RNF216: variants seen among roughly 807,000 people sequenced by gnomAD.
RNF216 encodes the protein ring finger protein 216.
Under a neutral mutation model 110.8 loss-of-function variants are expected in RNF216, and 72 were observed. The observed-to-expected ratio is 0.65, with a 90% CI of 0.54 to 0.79. RNF216 has a LOEUF of 0.79. RNF216 is among the 30% of genes least tolerant of loss of function. The pLI is 0.00. For synonymous variants in RNF216, 495 were observed against 407.5 expected, an observed-to-expected ratio of 1.21 and a Z score of -2.59; for missense variants, 1,342 against 1,141.2, an observed-to-expected ratio of 1.18 and a Z score of -2.54.
intron 13 of RNF216, among the ~76,000 whole-genome samples, chr7:5,685,707 C>T (rs1393923385): frequency 1.3e-5 from 2 of 152,234 alleles, no homozygotes; most frequent in Non-Finnish European, 2.9e-5. Context: ...CTCCCAGCCA[C>T]ATGGCAAGTC....
At chr7:5,657,699 G>T (rs897555692) in intron 13 of RNF216, among the ~76,000 whole-genome samples, 7 of 152,322 alleles carry the variant, frequency 4.6e-5, no homozygotes, top group Non-Finnish European at 7.3e-5. Flanking sequence ...CAGGCCATCT[G>T]TGTCTTCTAG....
chr7:5,646,871 G>GT (rs1480433881), intron 14 of RNF216, among the ~76,000 whole-genome samples: 3 of 152,052 alleles, frequency 2.0e-5, no homozygotes, highest in African/African-American at 7.2e-5. Flanking sequence ...CAGGTCATCT[G>GT]TAACTTTCTT....
At chr7:5,775,766 G>A (rs994329643) in intron 1 of RNF216, among the ~76,000 whole-genome samples, 1 of 152,080 alleles carries the variant, frequency 6.6e-6, no homozygotes, top group Non-Finnish European at 1.5e-5. Context: ...CTACTCGGGA[G>A]GCTGAGGCAG....
intron 1 of RNF216, among the ~76,000 whole-genome samples, chr7:5,770,259 T>A (rs564534025): frequency 6.6e-6 from 1 of 151,876 alleles, no homozygotes; most frequent in Admixed American, 6.6e-5. Flanking sequence ...GTGGGGAGTT[T>A]GAGACCAGCC....
chr7:5,750,975 C>A (rs1359237749), intron 3 of RNF216, among the ~76,000 whole-genome samples: 1 of 152,232 alleles, frequency 6.6e-6, no homozygotes, highest in Non-Finnish European at 1.5e-5. Context: ...GCAGAGCAGA[C>A]TACTTGGTTA....
intron 3 of RNF216, among the ~76,000 whole-genome samples, chr7:5,751,362 C>T (rs1361886682): frequency 6.6e-6 from 1 of 152,064 alleles, no homozygotes; most frequent in East Asian, 1.9e-4. Flanking sequence ...TTATAGGAGG[C>T]CACTGTTTTG....
chr7:5,627,082 C>T (rs1442017277), intron 15 of RNF216, among the ~76,000 whole-genome samples: 1 of 152,204 alleles, frequency 6.6e-6, no homozygotes, highest in African/African-American at 2.4e-5. Flanking sequence ...CCCCAAGGGA[C>T]ACTTATGGCC....
rs1791656475 is a variant in RNF216, at chr7:5,696,772, G to A, written c.2061+14989C>T. ...AATCACAGCAAATACCTGCAACATT[G>A]TACGAACGGGCTCTGGGAGGGCTGT... On this transcript the variant is annotated intron_variant, in intron 13 of 16. Transcript: ENST00000389902. This position sits in a 1 kb window ranked among gnomAD's most constrained non-coding sequence, Gnocchi z 5.4. 6.6e-6 allele frequency among the ~76,000 whole-genome samples: 1 copy of A among 152,186 alleles called. No individual in the cohort carries two copies. Among genetic ancestry groups the A allele is most frequent in the Non-Finnish European group, 1.5e-5 (1 of 68,036 alleles).
At chr7:5,697,940 T>C (rs1791729158) in intron 13 of RNF216, among the ~76,000 whole-genome samples, 1 of 152,198 alleles carries the variant, frequency 6.6e-6, no homozygotes, top group South Asian at 2.1e-4. Context: ...TAGTCAAAGA[T>C]AAGAGCGGAA....
At chr7:5,771,007 C>T (rs760342593) in intron 1 of RNF216, among the ~76,000 whole-genome samples, 13 of 152,148 alleles carry the variant, frequency 8.5e-5, no homozygotes, top group Non-Finnish European at 1.2e-4. Context: ...AGGGTTTCAC[C>T]ATGTTGGCCA....
intron 15 of RNF216, among the ~76,000 whole-genome samples, chr7:5,626,328 C>A (rs913938787): frequency 6.6e-6 from 1 of 151,206 alleles, no homozygotes; most frequent in Non-Finnish European, 1.5e-5. Flanking sequence ...ATGTGAATAT[C>A]AAGGTAGATG....
At chr7:5,643,745 C>T (rs1787883708) in intron 14 of RNF216, among the ~76,000 whole-genome samples, 1 of 152,162 alleles carries the variant, frequency 6.6e-6, no homozygotes, top group South Asian at 2.1e-4. Context: ...TTTGAGTATT[C>T]ACGATGTTAT....
At chr7:5,681,583 A>G (rs1211526265) in intron 13 of RNF216, among the ~76,000 whole-genome samples, 1 of 152,134 alleles carries the variant, frequency 6.6e-6, no homozygotes, top group African/African-American at 2.4e-5. Flanking sequence ...GATTAACCCT[A>G]CCCACTGACC....
intron 14 of RNF216, among the ~76,000 whole-genome samples, chr7:5,647,328 CTTTT>C (rs10617479): frequency 0.035 from 3,301 of 94,894 alleles, 93 homozygotes; most frequent in African/African-American, 0.085. Context: ...TTCTTTCTTT[CTTTT>C]TTTTTTTTTT....
intron 13 of RNF216, among the ~76,000 whole-genome samples, chr7:5,653,967 G>C (rs1206357980): frequency 2.6e-5 from 4 of 152,248 alleles, no homozygotes; most frequent in African/African-American, 9.6e-5. Flanking sequence ...TGAAGGGCAT[G>C]ATGAGCAGTT....
chr7:5,704,809 A>G (rs1175859977), intron 13 of RNF216, among the ~76,000 whole-genome samples: 1 of 152,124 alleles, frequency 6.6e-6, no homozygotes, highest in Non-Finnish European at 1.5e-5. Context: ...GTCCCCATAT[A>G]ACATTTTTCA....
intron 13 of RNF216, among the ~76,000 whole-genome samples, chr7:5,710,296 G>A (rs1225178799): frequency 6.6e-6 from 1 of 151,814 alleles, no homozygotes; most frequent in Non-Finnish European, 1.5e-5. Flanking sequence ...GGAGGCGGAG[G>A]TTGCAGTGAG....
chr7:5,668,093 T>C (rs577676858), intron 13 of RNF216, among the ~76,000 whole-genome samples: 60 of 152,192 alleles, frequency 3.9e-4, no homozygotes, highest in Non-Finnish European at 8.2e-4. Context: ...ACAATACCCC[T>C]TTGTGGATAT....
intron 3 of RNF216, among the ~76,000 whole-genome samples, chr7:5,745,468 C>T (rs1794981826): frequency 6.6e-6 from 1 of 151,938 alleles, no homozygotes; most frequent in African/African-American, 2.4e-5. Flanking sequence ...TGAGGAAGTA[C>T]CGTAATATAA....
Sources: gnomAD v4.1 joint callset for allele counts (sites outside exome capture counted in the v4.1 genomes callset) on GRCh38, gnomAD v4.1.1 for gene constraint, Gnocchi (gnomAD v3.1) non-coding constraint, MANE v1.5 for transcripts, NCBI Gene and HGNC (gene_info 2026-07-23, HGNC 2026-07-21) for gene names.